Variants in FBP1 observed in about 807,000 individuals in gnomAD.
FBP1 encodes fructose-1,6-bisphosphatase 1.
A neutral mutation model predicts 29.9 loss-of-function variants in FBP1; 22 were observed. The ratio of observed to expected loss-of-function variants is 0.74; its 90% CI spans 0.53 to 1.05. FBP1 has a LOEUF of 1.05. Ranked by LOEUF, FBP1 falls within the 50% of genes least tolerant of loss-of-function variation. The probability of loss-of-function intolerance (pLI) is 0.00; values close to 1 mark genes in which losing one functional copy is unlikely to be tolerated. For missense variants in FBP1, 345 were observed against 448.2 expected, an observed-to-expected ratio of 0.77 and a Z score of 2.08; for synonymous variants, 175 against 178.6, an observed-to-expected ratio of 0.98 and a Z score of 0.16.
intron 1 of FBP1, among the ~76,000 whole-genome samples, chr9:94,626,606 C>T (rs1828029480): frequency 6.6e-6 from 1 of 152,178 alleles, no homozygotes; most frequent in Non-Finnish European, 1.5e-5. Context: ...CCGAGTAACA[C>T]ATTTACACAG....
chr9:94,628,991 G>A (rs1337246029), intron 1 of FBP1, among the ~76,000 whole-genome samples: 1 of 151,964 alleles, frequency 6.6e-6, no homozygotes, highest in Non-Finnish European at 1.5e-5. Flanking sequence ...GTTGTTTTTT[G>A]TTTGTTTTGA....
intron 1 of FBP1, among the ~76,000 whole-genome samples, chr9:94,634,355 G>A (rs969213094): frequency 9.2e-5 from 14 of 151,846 alleles, no homozygotes; most frequent in African/African-American, 2.2e-4. Context: ...GTGTTAGAAC[G>A]ATACAAATAT....
chr9:94,636,283 C>T (rs1391346944), intron 1 of FBP1, among the ~76,000 whole-genome samples: 1 of 151,978 alleles, frequency 6.6e-6, no homozygotes, highest in East Asian at 1.9e-4. Flanking sequence ...AATTTGAGAC[C>T]AGCCTGGGCA....
chr9:94,619,057 A>G (rs1338983124), intron 2 of FBP1, among the ~76,000 whole-genome samples: 1 of 152,060 alleles, frequency 6.6e-6, no homozygotes, highest in Non-Finnish European at 1.5e-5. Flanking sequence ...ATGCAGGAGG[A>G]ACTGGAAACT....
At chr9:94,603,658 C>A in intron 6 of FBP1, 86 bp from the exon 7 acceptor site, 1 of 1,221,256 alleles carries the variant, frequency 8.2e-7, no homozygotes. Flanking sequence ...ACATGCAGAG[C>A]TGGTGGGAGT....
intron 3 of FBP1, among the ~76,000 whole-genome samples, chr9:94,617,188 A>T (rs534256675): frequency 2.6e-5 from 4 of 152,372 alleles, no homozygotes; most frequent in African/African-American, 9.6e-5. Context: ...GCAGTATGTG[A>T]AAAAATGAAT....
At chr9:94,625,027 C>T (rs554044551) in intron 1 of FBP1, among the ~76,000 whole-genome samples, 5 of 151,914 alleles carry the variant, frequency 3.3e-5, no homozygotes, top group East Asian at 2.0e-4. Context: ...ACAGGGGCAC[C>T]GTGACTTGTT....
chr9:94,631,619 C>A (rs1260823204), intron 1 of FBP1, among the ~76,000 whole-genome samples: 1 of 152,236 alleles, frequency 6.6e-6, no homozygotes, highest in African/African-American at 2.4e-5. Context: ...CTGCCTGGAT[C>A]TGCTGACTTA....
intron 1 of FBP1, among the ~76,000 whole-genome samples, chr9:94,624,490 T>A (rs1827995458): frequency 6.6e-6 from 1 of 151,774 alleles, no homozygotes; most frequent in South Asian, 2.1e-4. Context: ...CTATCTCTAC[T>A]AAATACATAA....
chr9:94,605,132 G>C (rs1314177519), intron 6 of FBP1, among the ~76,000 whole-genome samples: 2 of 152,156 alleles, frequency 1.3e-5, no homozygotes, highest in African/African-American at 4.8e-5. Flanking sequence ...AGTGAGGCTG[G>C]GTTGTTTCAT....
intron 3 of FBP1, among the ~76,000 whole-genome samples, chr9:94,612,052 C>T (rs1315320654): frequency 6.6e-6 from 1 of 152,184 alleles, no homozygotes; most frequent in Non-Finnish European, 1.5e-5. Context: ...GGTTTGTATT[C>T]ACCAGACAGT....
At chr9:94,637,137 C>T (rs534055958) in intron 1 of FBP1, among the ~76,000 whole-genome samples, 1 of 152,198 alleles carries the variant, frequency 6.6e-6, no homozygotes, top group Admixed American at 6.5e-5. Flanking sequence ...TTAAGAGGGG[C>T]CAGAGGCAAC....
In FBP1 at chr9:94,611,084, C is replaced by G. The variant is rs142017901; in HGVS notation, c.427-1023G>C. ...TTCACCGTGTTAGCCAGGATGGTCT[C>G]TATTTCCTGACCTCGTGATCCACCT... On this transcript the variant is annotated intron_variant, in intron 3 of 6. Coordinates refer to ENST00000375326, the MANE Select transcript of FBP1 (RefSeq NM_000507.4). 8.0e-4 allele frequency among the ~76,000 whole-genome samples: 121 copies of G among 152,160 alleles called. 4 individuals carry two copies. In the East Asian group the frequency reaches 0.02, roughly 25 times the overall value.
At chr9:94,616,934 T>TTTCTC (rs1563982955) in intron 3 of FBP1, among the ~76,000 whole-genome samples, 18 of 103,152 alleles carry the variant, frequency 1.7e-4, no homozygotes, top group East Asian at 1.1e-3. Context: ...CTCTCTCTCT[T>TTTCTC]TCTCTCTCTC....
At chr9:94,607,270 A>G (rs767309941) in intron 4 of FBP1, among the ~76,000 whole-genome samples, 2 of 152,226 alleles carry the variant, frequency 1.3e-5, no homozygotes, top group Non-Finnish European at 2.9e-5. Context: ...TAAGCCTGCA[A>G]GAGAGTAAGA....
upstream of FBP1, chr9:94,639,552 T>C (rs1157448639): frequency 3.4e-6 from 2 of 589,026 alleles, no homozygotes; most frequent in Non-Finnish European, 6.0e-6. Flanking sequence ...CGGAAACCTT[T>C]AGACGCGGGT....
Position 94,606,912 on chromosome 9 carries a change from A to G in FBP1, c.608T>C (p.Ile203Thr). 6.2e-7 allele frequency: 1 copy of G among 1,614,014 alleles called. No individual in the cohort carries two copies. The highest frequency in any genetic ancestry group is 8.5e-7 in the Non-Finnish European group (1 of 1,179,978). The change falls in exon 5 of 7, where the codon ATA becomes ACA. Residue 203 changes from isoleucine to threonine, a missense_variant. By Grantham distance (89) the Ile-to-Thr change is moderately conservative (BLOSUM62 -1). Coordinates refer to ENST00000375326, the MANE Select transcript of FBP1 (RefSeq NM_000507.4). Reference protein sequence around the residue: ...EFILVDKDVKIKKKGKIYSLN... With the variant: ...EFILVDKDVKTKKKGKIYSLN... ...GCTGTAGATTTTACCTTTCTTTTTTATCTTCACATCCTTGTCCACCAAAAT... is the reference window on the plus strand; with the variant it reads ...GCTGTAGATTTTACCTTTCTTTTTTGTCTTCACATCCTTGTCCACCAAAAT...
At chr9:94,621,391 G>A (rs537583484) in intron 1 of FBP1, among the ~76,000 whole-genome samples, 1,070 of 82,816 alleles carry the variant, frequency 0.013, 24 homozygotes, top group African/African-American at 0.056. Flanking sequence ...GCAAGATTCC[G>A]TCTAAAAATA....
At chr9:94,627,229 C>T (rs1478032592) in intron 1 of FBP1, among the ~76,000 whole-genome samples, 2 of 150,620 alleles carry the variant, frequency 1.3e-5, no homozygotes, top group African/African-American at 4.9e-5. Context: ...GTGGCGGGCG[C>T]CTGTAATCCC....
Sources: allele counts gnomAD v4.1 joint callset (sites outside exome capture counted in the v4.1 genomes callset), GRCh38; gene constraint gnomAD v4.1.1; transcripts MANE v1.5; gene names NCBI Gene and HGNC (gene_info 2026-07-23, HGNC 2026-07-21).